Variants in CNTNAP2 observed in about 807,000 individuals in gnomAD.
CNTNAP2 encodes the protein contactin-associated protein-like 2.
CNTNAP2 carries 98 observed loss-of-function variants against 155.2 expected under a neutral mutation model. The observed-to-expected ratio is 0.63, with a 90% CI of 0.54 to 0.75. The LOEUF (loss-of-function observed/expected upper bound fraction) is 0.75. Ranked by LOEUF, CNTNAP2 falls within the 30% of genes least tolerant of loss-of-function variation. The probability of loss-of-function intolerance (pLI) is 0.00; values close to 1 mark genes in which losing one functional copy is unlikely to be tolerated. For missense variants in CNTNAP2, 1,727 were observed against 1,688.1 expected (o/e 1.02, Z -0.40); for synonymous variants, 651 against 631.2 (o/e 1.03, Z -0.47).
At chr7:147,835,287 A>G (rs1584981342) in intron 13 of CNTNAP2, among the ~76,000 whole-genome samples, 1 of 152,238 alleles carries the variant, frequency 6.6e-6, no homozygotes, top group Non-Finnish European at 1.5e-5. Context: ...AGAGCCATGA[A>G]TCGAGTGATG....
intron 13 of CNTNAP2, among the ~76,000 whole-genome samples, chr7:147,742,161 C>T (rs1734301548): frequency 6.6e-6 from 1 of 152,168 alleles, no homozygotes; most frequent in South Asian, 2.1e-4. Flanking sequence ...CTGGGTCCCT[C>T]TCACAACACA....
intron 21 of CNTNAP2, among the ~76,000 whole-genome samples, chr7:148,295,928 G>T (rs1323110338): frequency 3.9e-5 from 6 of 152,188 alleles, no homozygotes; most frequent in Non-Finnish European, 8.8e-5. Context: ...TCTGCAAGAA[G>T]AGGCACTAAA....
intron 19 of CNTNAP2, among the ~76,000 whole-genome samples, chr7:148,229,294 C>T (rs184939837): frequency 5.3e-5 from 8 of 152,272 alleles, no homozygotes; most frequent in Admixed American, 2.6e-4. Context: ...GAGGCTGAGG[C>T]GAACGGATAG....
chr7:146,312,449 T>C lies in CNTNAP2; in HGVS notation c.97+195476T>C, dbSNP rs1183589521. Among the ~76,000 whole-genome samples, 7 of 151,764 alleles carry C rather than the reference T, an allele frequency of 4.6e-5. No individual in the cohort carries two copies. In the East Asian group the frequency reaches 1.3e-3, roughly 29 times the overall value. On this transcript the variant is annotated intron_variant, in intron 1 of 23. Transcript: ENST00000361727. ...TGTAATTAACATATTTTATTGACAA[T>C]ATTTATGTATATCTGTAATTACATA...
intron 15 of CNTNAP2, among the ~76,000 whole-genome samples, chr7:148,048,446 G>C (rs1802816916): frequency 6.6e-6 from 1 of 152,094 alleles, no homozygotes; most frequent in South Asian, 2.1e-4. Flanking sequence ...ACCATCTAAG[G>C]GAAGGACATG....
intron 15 of CNTNAP2, among the ~76,000 whole-genome samples, chr7:148,065,395 C>T (rs1022160648): frequency 6.6e-6 from 1 of 152,040 alleles, no homozygotes; most frequent in African/African-American, 2.4e-5. Context: ...ATTGAAGCCC[C>T]CCAATATTGT....
intron 8 of CNTNAP2, among the ~76,000 whole-genome samples, chr7:147,196,626 C>T (rs1382606534): frequency 2.0e-5 from 3 of 152,116 alleles, no homozygotes; most frequent in Non-Finnish European, 4.4e-5. Flanking sequence ...AGGAATAAAA[C>T]CTCGCCTAAG....
chr7:148,283,684 T>G (rs1436127543), intron 21 of CNTNAP2, among the ~76,000 whole-genome samples: 2 of 152,204 alleles, frequency 1.3e-5, no homozygotes, highest in Admixed American at 6.5e-5. Context: ...TTGGTGATTT[T>G]ACTGTATAAA....
At chr7:146,238,400 C>A (rs1157751350) in intron 1 of CNTNAP2, among the ~76,000 whole-genome samples, 1 of 152,028 alleles carries the variant, frequency 6.6e-6, no homozygotes, top group African/African-American at 2.4e-5. Context: ...TACGTGAGCA[C>A]AATGTGAAGA....
chr7:147,831,630 G>A (rs1474604290), intron 13 of CNTNAP2: 1 of 152,138 alleles, frequency 6.6e-6, no homozygotes, highest in Non-Finnish European at 1.5e-5. Context: ...GAAAGAAGAT[G>A]GGTGAGACAA....
intron 17 of CNTNAP2, among the ~76,000 whole-genome samples, chr7:148,163,071 C>A (rs1805580956): frequency 6.6e-6 from 1 of 152,200 alleles, no homozygotes; most frequent in South Asian, 2.1e-4. Flanking sequence ...ATCACTCTAT[C>A]AGCATTTTGT....
At chr7:146,149,577 G>A (rs962420464) in intron 1 of CNTNAP2, among the ~76,000 whole-genome samples, 2 of 152,066 alleles carry the variant, frequency 1.3e-5, no homozygotes, top group Non-Finnish European at 2.9e-5. Context: ...AGAACAGAAC[G>A]GAGTCCAGAA....
At chr7:147,823,307 C>T (rs1018922947) in intron 13 of CNTNAP2, among the ~76,000 whole-genome samples, 20 of 152,148 alleles carry the variant, frequency 1.3e-4, no homozygotes, top group African/African-American at 4.1e-4. Flanking sequence ...TGTTAATGAC[C>T]GACCCAGTTG....
At chr7:147,664,101 C>G (rs1465168392) in intron 13 of CNTNAP2, among the ~76,000 whole-genome samples, 1 of 152,190 alleles carries the variant, frequency 6.6e-6, no homozygotes, top group African/African-American at 2.4e-5. Flanking sequence ...TGGCTTCCAT[C>G]ACTAAGTACC....
intron 12 of CNTNAP2, among the ~76,000 whole-genome samples, chr7:147,607,354 T>G (rs1801090414): frequency 6.6e-6 from 1 of 152,244 alleles, no homozygotes. Context: ...GGTATTGTTT[T>G]GTGAGGCCCA....
intron 15 of CNTNAP2, among the ~76,000 whole-genome samples, chr7:148,071,672 A>C (rs764089618): frequency 6.6e-6 from 1 of 152,220 alleles, no homozygotes; most frequent in Non-Finnish European, 1.5e-5. Flanking sequence ...CCTAAAAGGA[A>C]AAGAGTAATG....
chr7:147,170,872 A>G (rs1194480084), intron 8 of CNTNAP2, among the ~76,000 whole-genome samples: 1 of 152,158 alleles, frequency 6.6e-6, no homozygotes, highest in Non-Finnish European at 1.5e-5. Context: ...GCTGCGGGAC[A>G]GATGTGCCTC....
chr7:146,155,372 C>T (rs1584776389), intron 1 of CNTNAP2, among the ~76,000 whole-genome samples: 1 of 152,100 alleles, frequency 6.6e-6, no homozygotes, highest in South Asian at 2.1e-4. Flanking sequence ...ACAACAAGTA[C>T]TAGAAAATTT....
intron 10 of CNTNAP2, among the ~76,000 whole-genome samples, chr7:147,454,754 A>G (rs1342813831): frequency 6.6e-6 from 1 of 151,974 alleles, no homozygotes; most frequent in Non-Finnish European, 1.5e-5. Flanking sequence ...ACATGAGTAA[A>G]GTGAACAGGA....
Sources: allele counts gnomAD v4.1 joint callset (sites outside exome capture counted in the v4.1 genomes callset), GRCh38; gene constraint gnomAD v4.1.1; transcripts MANE v1.5; gene names NCBI Gene and HGNC (gene_info 2026-07-23, HGNC 2026-07-21).